ADCY10: variants seen among roughly 807,000 people sequenced by gnomAD.
ADCY10 encodes adenylate cyclase 10.
ADCY10 carries 156 observed loss-of-function variants against 183.3 expected under a neutral mutation model. The observed-to-expected ratio is 0.85, with a 90% confidence interval of 0.75 to 0.97. The LOEUF (loss-of-function observed/expected upper bound fraction) is 0.97, where lower values mean the gene tolerates loss of function less well. ADCY10 is among the 50% of genes least tolerant of loss of function. ADCY10 has a pLI of 0.00. For synonymous variants in ADCY10, 645 were observed against 670.0 expected, an observed-to-expected ratio of 0.96 and a Z score of 0.58; for missense variants, 1,745 against 1,934.3, an observed-to-expected ratio of 0.90 and a Z score of 1.84.
intron 31 of ADCY10, among the ~76,000 whole-genome samples, chr1:167,816,361 C>T (rs1438403174): frequency 1.3e-5 from 2 of 152,064 alleles, no homozygotes; most frequent in Admixed American, 6.5e-5. Context: ...GACTGGCCAA[C>T]ATGGTGAAAC....
intron 1 of ADCY10, among the ~76,000 whole-genome samples, chr1:167,909,102 A>G (rs982137127): frequency 6.6e-6 from 1 of 152,104 alleles, no homozygotes; most frequent in Non-Finnish European, 1.5e-5. Context: ...AACCTTTCTT[A>G]TTTCTAACAA....
chr1:167,838,454 C>G (rs917168232), intron 21 of ADCY10, among the ~76,000 whole-genome samples: 1 of 152,340 alleles, frequency 6.6e-6, no homozygotes, highest in African/African-American at 2.4e-5. Flanking sequence ...CTCTCAGCAG[C>G]ATTTAATACA....
chr1:167,848,775 A>G (rs1200006367), intron 18 of ADCY10, among the ~76,000 whole-genome samples: 1 of 151,870 alleles, frequency 6.6e-6, no homozygotes, highest in African/African-American at 2.4e-5. Context: ...CAGCCTCCCA[A>G]GTAGCTGGGA....
At chr1:167,913,774 G>A (rs569959642) in intron 1 of ADCY10, among the ~76,000 whole-genome samples, 66 of 152,280 alleles carry the variant, frequency 4.3e-4, no homozygotes, top group African/African-American at 1.5e-3. Context: ...GAGCATCCAG[G>A]TTGAGAAGGT....
chr1:167,875,844 T>G (rs1667417366), intron 12 of ADCY10, among the ~76,000 whole-genome samples: 1 of 152,086 alleles, frequency 6.6e-6, no homozygotes, highest in South Asian at 2.1e-4. Flanking sequence ...TCCCAGCTAC[T>G]CAGGGGGCTG....
intron 21 of ADCY10, among the ~76,000 whole-genome samples, chr1:167,844,091 A>C (rs541104612): frequency 1.3e-5 from 2 of 152,352 alleles, no homozygotes; most frequent in South Asian, 4.1e-4. Context: ...TATTACACAC[A>C]TACCACTTTT....
intron 16 of ADCY10, among the ~76,000 whole-genome samples, chr1:167,857,316 T>G (rs1345808688): frequency 1.3e-5 from 2 of 152,236 alleles, no homozygotes; most frequent in Non-Finnish European, 2.9e-5. Flanking sequence ...ATAACCTGCC[T>G]TGTTCACACA....
At chr1:167,901,898 TC>T in intron 4 of ADCY10, 93 bp from the exon 5 acceptor site, 2 of 1,610,268 alleles carry the variant, frequency 1.2e-6, no homozygotes, top group South Asian at 2.2e-5. Flanking sequence ...CATCAAGCAT[TC>T]CTCAGCCTAT....
chr1:167,818,518 CA>C, intron 30 of ADCY10: 1 of 575,170 alleles, frequency 1.7e-6, no homozygotes, highest in South Asian at 1.6e-5. Flanking sequence ...TATTAGCCAC[CA>C]TTGAACTCTT....
chr1:167,877,640 T>C (rs1031225690), intron 12 of ADCY10, among the ~76,000 whole-genome samples: 13 of 152,052 alleles, frequency 8.5e-5, no homozygotes, highest in Admixed American at 7.9e-4. Context: ...AGGAAGTGAA[T>C]AATTGTGATA....
chr1:167,877,366 A>G (rs992077939), intron 12 of ADCY10, among the ~76,000 whole-genome samples: 10 of 151,748 alleles, frequency 6.6e-5, no homozygotes, highest in African/African-American at 2.4e-4. Context: ...TGGCCTATGT[A>G]TGCCAAGCAC....
At chr1:167,844,095 C>T (rs969036187) in intron 21 of ADCY10, among the ~76,000 whole-genome samples, 2 of 152,148 alleles carry the variant, frequency 1.3e-5, no homozygotes, top group African/African-American at 2.4e-5. Flanking sequence ...ACACACATAC[C>T]ACTTTTGTGA....
At position 167,834,028 on chromosome 1, in the gene ADCY10, T is replaced by C; in HGVS notation, c.3359A>G (p.Lys1120Arg). 6.2e-7 allele frequency: 1 copy of C among 1,614,208 alleles called. No individual in the cohort carries two copies. Among genetic ancestry groups the C allele is most frequent in the East Asian group, 2.2e-5 (1 of 44,894 alleles). The change falls in exon 24 of 33, where the codon AAG (lysine) becomes AGG (arginine). Residue 1120 changes from lysine (K) to arginine (R), a missense_variant. Coordinates refer to ENST00000367851, the MANE Select transcript of ADCY10 (RefSeq NM_018417.6). ...AAATGTCTGGCTCCAAGATTTGTCC[T>C]TCTTGAGAGTTTTTAGCAACTTCTG... ...EGQKLLKTLK[K>R]DKSWSQTFES... is the part of the protein sequence containing the mutation.
intron 6 of ADCY10, among the ~76,000 whole-genome samples, chr1:167,897,332 CAA>C (rs1198279246): frequency 9.3e-5 from 11 of 118,454 alleles, no homozygotes; most frequent in African/African-American, 1.6e-4. Context: ...ACCAAAAATA[CAA>C]AAAAAAAAAA....
intron 18 of ADCY10, among the ~76,000 whole-genome samples, chr1:167,850,341 GA>G (rs1665372080): frequency 6.6e-6 from 1 of 152,120 alleles, no homozygotes. Context: ...TGAAGTTTTA[GA>G]TTTATTAAGT....
chr1:167,845,103 CT>C (rs1485344366), intron 21 of ADCY10, among the ~76,000 whole-genome samples: 1 of 152,228 alleles, frequency 6.6e-6, no homozygotes, highest in East Asian at 1.9e-4. Flanking sequence ...GCCCTGTTTT[CT>C]GGAGCCCTGA....
In ADCY10 at chr1:167,856,234, T is replaced by C. The variant is rs1243130529; in HGVS notation, c.2102A>G (p.Gln701Arg). The change falls in exon 17 of 33, where the codon CAG (glutamine) becomes CGG (arginine). Residue 701 changes from glutamine to arginine, a missense_variant. Coordinates refer to ENST00000367851, the MANE Select transcript of ADCY10 (RefSeq NM_018417.6). ...GATCTTGTTGGAGATGTCGTTAGGC[T>C]GTACTGCACCAATGACAATGTAGGT... The part of the protein sequence containing the change: ...NTTYIVIGAV[Q>R]PNDISNKICL... The C allele has an allele frequency of 1.9e-6, 3 of 1,613,880 alleles. No individual in the cohort carries two copies. The Admixed American group carries it at 5.0e-5, about 27-fold the overall frequency.
chr1:167,848,674 G>A (rs959831009), intron 18 of ADCY10, among the ~76,000 whole-genome samples, 185 bp from the exon 19 acceptor site: 5 of 151,498 alleles, frequency 3.3e-5, no homozygotes, highest in Admixed American at 3.3e-4. Context: ...TTTTTGAGGT[G>A]GAGTCTCTCA....
chr1:167,817,321 C>T (rs1466433632), intron 31 of ADCY10, among the ~76,000 whole-genome samples: 2 of 152,140 alleles, frequency 1.3e-5, no homozygotes, highest in Non-Finnish European at 2.9e-5. Flanking sequence ...GTCGAGATTG[C>T]GCCACTGCAC....
Sources: allele counts gnomAD v4.1 joint callset (sites outside exome capture counted in the v4.1 genomes callset), GRCh38; gene constraint gnomAD v4.1.1; transcripts MANE v1.5; gene names NCBI Gene and HGNC (gene_info 2026-07-23, HGNC 2026-07-21).